STAB2: variants seen among roughly 807,000 people sequenced by gnomAD.
STAB2 encodes the protein stabilin 2, also known as stabilin-2.
In STAB2, 288 loss-of-function variants were observed where a neutral mutation model predicts 338.1. The ratio of observed to expected loss-of-function variants is 0.85; its 90% CI spans 0.77 to 0.94. The LOEUF (loss-of-function observed/expected upper bound fraction) is 0.94, where lower values mean the gene tolerates loss of function less well. Ranked by LOEUF, STAB2 falls within the 40% of genes least tolerant of loss-of-function variation. STAB2 has a pLI of 0.00. For missense variants in STAB2, 3,141 were observed against 3,210.1 expected (o/e 0.98, Z 0.52); for synonymous variants, 1,202 against 1,193.3 (o/e 1.01, Z -0.15).
At chr12:103,677,705 A>G in intron 25 of STAB2, 94 bp downstream of exon 25, 1 of 1,451,258 alleles carries the variant, frequency 6.9e-7, no homozygotes, top group Non-Finnish European at 9.2e-7. Flanking sequence ...GCTAGAACTT[A>G]CTGCAGCTTT....
rs898506738 is a variant in STAB2 at position 103,593,291 on chromosome 12, C to T, written c.216-1104C>T. ...AATTTACATTCTCACCAACAGTGTA[C>T]AGTTGTTCCCTTTTCTCCACATCCT... On this transcript the variant is annotated intron_variant, in intron 2 of 68. Coordinates refer to ENST00000388887, the MANE Select transcript of STAB2 (RefSeq NM_017564.10). Among the ~76,000 whole-genome samples, 11 of 152,254 alleles carry T rather than the reference C, an allele frequency of 7.2e-5. No individual in the cohort carries two copies. In the East Asian group the frequency reaches 1.7e-3, roughly 24 times the overall value.
At chr12:103,713,966 G>T (rs576870114) in intron 42 of STAB2, among the ~76,000 whole-genome samples, 198 bp downstream of exon 42, 1 of 152,336 alleles carries the variant, frequency 6.6e-6, no homozygotes, top group African/African-American at 2.4e-5. Context: ...TACTTCGGAA[G>T]GGTAAAAGGA....
intron 44 of STAB2, among the ~76,000 whole-genome samples, chr12:103,722,346 G>A (rs1880835085): frequency 6.6e-6 from 1 of 152,220 alleles, no homozygotes; most frequent in South Asian, 2.1e-4. Flanking sequence ...ACAGGCAAAG[G>A]ATGTTGAGAT....
At chr12:103,651,477 C>CTAT (rs35449003) in intron 11 of STAB2, among the ~76,000 whole-genome samples, 33,144 of 151,790 alleles carry the variant, frequency 0.22, 3,842 homozygotes, top group South Asian at 0.39. Context: ...CCATGCCCAG[C>CTAT]TAATGTTGAT....
chr12:103,699,308 C>G, intron 34 of STAB2, 81 bp downstream of exon 34: 1 of 1,499,946 alleles, frequency 6.7e-7, no homozygotes, highest in East Asian at 2.3e-5. Flanking sequence ...TGTCTTGGCT[C>G]CTGTCATCCT....
In STAB2 at chr12:103,652,596, T is replaced by A; in HGVS notation, c.1298T>A (p.Phe433Tyr). The A allele has an allele frequency of 2.5e-6, 4 of 1,608,410 alleles. No homozygotes were observed. The highest frequency in any genetic ancestry group is 1.6e-4 in the Middle Eastern group (1 of 6,062). Reference sequence around the variant, plus strand: ...GTGGATAATAAAGCTGCTCAATACTTTGTGAAACTCCACATAATTGCTGGT... The same window carrying A: ...GTGGATAATAAAGCTGCTCAATACTATGTGAAACTCCACATAATTGCTGGT... ...LLVDNKAAQY[F>Y]VKLHIIAGQM... Residue 433 changes from phenylalanine (F) to tyrosine (Y), a missense_variant, in exon 12 of 69, where the codon TTT (phenylalanine) becomes TAT (tyrosine). By Grantham distance (22) the Phe-to-Tyr change is conservative. Coordinates refer to ENST00000388887, the MANE Select transcript of STAB2 (RefSeq NM_017564.10).
chr12:103,644,627 A>G (rs1417435851), intron 9 of STAB2, among the ~76,000 whole-genome samples: 1 of 152,242 alleles, frequency 6.6e-6, no homozygotes, highest in African/African-American at 2.4e-5. Flanking sequence ...CAACTAGAAT[A>G]TAAGGTCCAT....
At chr12:103,728,177 G>A (rs1031072319) in intron 47 of STAB2, among the ~76,000 whole-genome samples, 2 of 152,224 alleles carry the variant, frequency 1.3e-5, no homozygotes, top group South Asian at 4.2e-4. Context: ...TTTGAGACAG[G>A]GTCTTGCTCT....
chr12:103,704,354 A>C (rs940356316), intron 35 of STAB2, among the ~76,000 whole-genome samples: 2 of 152,242 alleles, frequency 1.3e-5, no homozygotes, highest in African/African-American at 4.8e-5. Context: ...AAGAGTTAGC[A>C]GAGTCAGAAG....
chr12:103,699,258 T>A (rs781360082), intron 34 of STAB2, 31 bp downstream of exon 34: 10 of 1,573,450 alleles, frequency 6.4e-6, no homozygotes, highest in Non-Finnish European at 8.7e-6. Flanking sequence ...ACCCCAGCAA[T>A]GCCACCGAGA....
intron 8 of STAB2, among the ~76,000 whole-genome samples, chr12:103,638,559 C>G (rs1433125596): frequency 6.6e-6 from 1 of 152,230 alleles, no homozygotes; most frequent in African/African-American, 2.4e-5. Context: ...ATCCTCCATT[C>G]TGCAATGGCT....
chr12:103,710,373 T>A (rs563865300), intron 39 of STAB2, among the ~76,000 whole-genome samples: 2 of 152,290 alleles, frequency 1.3e-5, no homozygotes, highest in South Asian at 4.1e-4. Context: ...GGAAAAATTG[T>A]GGTATGGAGT....
intron 1 of STAB2, among the ~76,000 whole-genome samples, chr12:103,588,156 T>G (rs1956741716): frequency 2.0e-5 from 3 of 152,198 alleles, no homozygotes; most frequent in African/African-American, 7.2e-5. Context: ...AGACACCATG[T>G]GATTTCTGAT....
In STAB2 at chr12:103,708,518, G is replaced by A; in HGVS notation, c.4270G>A (p.Gly1424Arg). The change falls in exon 39 of 69, where the codon GGA (glycine) becomes AGA (arginine). Residue 1424 changes from glycine (G) to arginine (R), a missense_variant. Gly to Arg is a moderately radical substitution (Grantham distance 125). Coordinates refer to ENST00000388887, the MANE Select transcript of STAB2 (RefSeq NM_017564.10). ...CTGTGACTGTGATGTTGGCTGGCGA[G>A]GAGTGCATTGTGACAATGGTAAGAG... ...GSCDCDVGWR[G>R]VHCDNATTED... is the part of the protein sequence containing the mutation. 5 of 1,614,034 alleles carry A rather than the reference G, an allele frequency of 3.1e-6. No homozygotes were observed. The highest frequency in any genetic ancestry group is 2.2e-5 in the East Asian group (1 of 44,892).
At chr12:103,702,223 G>T (rs1239258743) in intron 34 of STAB2, among the ~76,000 whole-genome samples, 1 of 150,780 alleles carries the variant, frequency 6.6e-6, no homozygotes, top group East Asian at 1.9e-4. Context: ...TCATACCCAT[G>T]CCTTGGTTGT....
chr12:103,587,359 G>T lies in STAB2; in HGVS notation c.-118G>T. On this transcript the variant is annotated 5_prime_UTR_variant, in exon 1 of 69. Transcript: ENST00000388887. ...TCGATCTAGGAAAAAGGAAAGGAAG[G>T]GATTTAAAAGTAAACAGTGAAATGA... 1.2e-6 allele frequency: 1 copy of T among 834,148 alleles called. No homozygotes were observed. 51.7% of individuals were successfully genotyped at this position (834,148 alleles called of 1,614,324 possible).
intron 3 of STAB2, among the ~76,000 whole-genome samples, chr12:103,612,606 T>C (rs1343480061): frequency 1.3e-5 from 2 of 152,198 alleles, no homozygotes; most frequent in East Asian, 3.9e-4. Flanking sequence ...TTTCAAGGTG[T>C]TTAACTTCTT....
intron 25 of STAB2, among the ~76,000 whole-genome samples, chr12:103,681,402 G>A (rs1876886749): frequency 6.6e-6 from 1 of 152,120 alleles, no homozygotes; most frequent in Non-Finnish European, 1.5e-5. Context: ...TTTCACAGTT[G>A]TAGAGGCTGG....
intron 44 of STAB2, among the ~76,000 whole-genome samples, chr12:103,719,966 CCAGCTGTTGACATGAGAA>C (rs1488885558): frequency 3.3e-5 from 5 of 152,222 alleles, no homozygotes; most frequent in Non-Finnish European, 7.3e-5. Context: ...CTGAGAGCCT[CCAGCTGTTGACATGAGAA>C]CAGTGCAGAC....
Sources: gnomAD v4.1 joint callset for allele counts (sites outside exome capture counted in the v4.1 genomes callset) on GRCh38, gnomAD v4.1.1 for gene constraint, MANE v1.5 for transcripts, NCBI Gene and HGNC (gene_info 2026-07-23, HGNC 2026-07-21) for gene names.